BRAF: variants seen among roughly 807,000 people sequenced by gnomAD.
BRAF encodes B-Raf proto-oncogene, serine/threonine kinase.
A neutral mutation model predicts 104.6 loss-of-function variants in BRAF; 16 were observed. The observed-to-expected ratio is 0.15, with a 90% CI of 0.10 to 0.23. The LOEUF (loss-of-function observed/expected upper bound fraction) is 0.23. Among genes scored for constraint, BRAF ranks in the 10% least tolerant of loss-of-function variants. The probability of loss-of-function intolerance (pLI) is 1.00; values close to 1 mark genes in which losing one functional copy is unlikely to be tolerated. For synonymous variants in BRAF, 310 were observed against 341.6 expected (o/e 0.91, Z 1.02); for missense variants, 541 against 937.3 (o/e 0.58, Z 5.52).
chr7:140,865,818 A>C (rs1323380367), intron 1 of BRAF, among the ~76,000 whole-genome samples: 4 of 152,256 alleles, frequency 2.6e-5, no homozygotes, highest in African/African-American at 9.6e-5. Flanking sequence ...CATGAAATCA[A>C]TAAGCAGAAA....
intron 1 of BRAF, among the ~76,000 whole-genome samples, chr7:140,922,044 T>G (rs901486833): frequency 3.9e-5 from 6 of 152,158 alleles, no homozygotes; most frequent in African/African-American, 1.4e-4. Flanking sequence ...ATACTGATAT[T>G]TACATTCAAG....
rs1801520877 is a variant in BRAF, at chr7:140,787,585, C to A, written c.1141-1G>T. On this transcript the variant is annotated splice_acceptor_variant, in intron 8 of 19. Coordinates refer to ENST00000644969, the MANE Select transcript of BRAF (RefSeq NM_001374258.1). LOFTEE classifies it high-confidence loss of function. ...GAAATCCTTGGTCTCTAATCAAGTC[C>A]TACAAATAAATAGTAATGTATATTT... 6.2e-7 allele frequency: 1 copy of A among 1,610,746 alleles called. No individual in the cohort carries two copies.
Position 140,723,142 on chromosome 7 carries a change from G to T in BRAF, c.*3352C>A. ...GTTTCGAACTAAAGCTAGAGATGAG[G>T]TTTGCAAGCAGCTGGCGGGTGGATG... On this transcript the variant is annotated 3_prime_UTR_variant, in exon 20 of 20. Coordinates refer to ENST00000644969, the MANE Select transcript of BRAF (RefSeq NM_001374258.1). 9.5e-7 allele frequency: 1 copy of T among 1,052,544 alleles called. No homozygotes were observed. The highest frequency in any genetic ancestry group is 1.1e-6 in the Non-Finnish European group (1 of 871,408). 65.2% of individuals were successfully genotyped at this position (1,052,544 alleles called of 1,614,324 possible).
intron 18 of BRAF, among the ~76,000 whole-genome samples, chr7:140,738,027 C>T (rs1048473342): frequency 3.9e-5 from 6 of 152,026 alleles, no homozygotes; most frequent in Admixed American, 2.6e-4. Context: ...AGCACCATGA[C>T]GTGAAAAGAG....
At chr7:140,799,948 G>T (rs1034927405) in intron 7 of BRAF, 1 of 371,770 alleles carries the variant, frequency 2.7e-6, no homozygotes, top group Admixed American at 4.3e-5. Context: ...AATAGTCTAT[G>T]TCAGCTTTAA....
chr7:140,852,718 A>G (rs1421189472), intron 1 of BRAF, among the ~76,000 whole-genome samples: 1 of 152,068 alleles, frequency 6.6e-6, no homozygotes, highest in African/African-American at 2.4e-5. Flanking sequence ...ATCCAACTCT[A>G]CCTTTTCCTC....
chr7:140,753,617 T>C (rs914222629), intron 15 of BRAF: 3 of 415,054 alleles, frequency 7.2e-6, no homozygotes, highest in African/African-American at 4.1e-5. Flanking sequence ...GGGCTTGAAA[T>C]GTGTTAGGAT....
In BRAF at chr7:140,777,099, A is replaced by G. The variant is rs2129018655; in HGVS notation, c.1638-11T>C. The stretch of plus-strand genomic sequence containing the variant: ...ACATGTCGTGTTTTCCTGTACAAAG[A>G]AATGTGACAGTAAACATTAAATGTC... On this transcript the variant is annotated splice_polypyrimidine_tract_variant and intron_variant, in intron 13 of 19. Transcript: ENST00000644969. 1.2e-6 allele frequency: 2 copies of G among 1,613,132 alleles called. No individual in the cohort carries two copies. Among genetic ancestry groups the G allele is most frequent in the Admixed American group, 1.7e-5 (1 of 59,996 alleles).
chr7:140,924,752 G>A lies in BRAF; in HGVS notation c.-49C>T, dbSNP rs1818697660. 4 of 696,062 alleles carry A rather than the reference G, an allele frequency of 5.7e-6. No individual in the cohort carries two copies. The highest frequency in any genetic ancestry group is 4.9e-5 in the South Asian group (3 of 61,596). 43.1% of individuals were successfully genotyped at this position (696,062 alleles called of 1,614,324 possible). ...GAGCGGCCGCTGTCGGGCGGGGAGG[G>A]GGAAGGGAGGCGGAGAGCTGGGGGA... On this transcript the variant is annotated 5_prime_UTR_variant, in exon 1 of 20. Coordinates refer to ENST00000644969, the MANE Select transcript of BRAF (RefSeq NM_001374258.1). This position sits in a 1 kb window ranked among gnomAD's most constrained non-coding sequence, Gnocchi z 4.2.
At chr7:140,773,424 A>G (rs1371972009) in intron 14 of BRAF, 1 of 152,164 alleles carries the variant, frequency 6.6e-6, no homozygotes, top group Non-Finnish European at 1.5e-5. Flanking sequence ...TCGGAAGAGT[A>G]GGGTTTGGCT....
intron 5 of BRAF, among the ~76,000 whole-genome samples, chr7:140,801,768 T>G (rs1803140737): frequency 1.3e-5 from 2 of 152,028 alleles, no homozygotes; most frequent in African/African-American, 4.8e-5. Flanking sequence ...ACTATCTAAC[T>G]TAAAAACCCA....
chr7:140,852,568 T>A (rs541653822), intron 1 of BRAF, among the ~76,000 whole-genome samples: 3 of 152,304 alleles, frequency 2.0e-5, no homozygotes, highest in Admixed American at 6.5e-5. Flanking sequence ...TTTTCTTTCA[T>A]GATGCCTTTG....
intron 1 of BRAF, among the ~76,000 whole-genome samples, chr7:140,852,309 C>T (rs534071867): frequency 1.3e-5 from 2 of 149,018 alleles, no homozygotes; most frequent in East Asian, 2.1e-4. Flanking sequence ...GTTGAGGCTG[C>T]GGTGAGCCAT....
At chr7:140,794,174 C>A in intron 8 of BRAF, 134 bp downstream of exon 8, 1 of 1,093,866 alleles carries the variant, frequency 9.1e-7, no homozygotes, top group Non-Finnish European at 1.3e-6. Context: ...TTGTGATTCA[C>A]AAGAAGCTTA....
At chr7:140,831,798 C>A (rs534906656) in intron 3 of BRAF, among the ~76,000 whole-genome samples, 192 of 152,302 alleles carry the variant, frequency 1.3e-3, no homozygotes, top group African/African-American at 4.4e-3. Context: ...TCAAAATATT[C>A]ATATTTATAT....
At chr7:140,780,364 C>A (rs1034505424) in intron 12 of BRAF, 1 of 151,820 alleles carries the variant, frequency 6.6e-6, no homozygotes, top group African/African-American at 2.4e-5. Flanking sequence ...CCTCAGCCTC[C>A]TGAGTAGCTG....
rs372569965 is a variant in BRAF at position 140,753,327 on chromosome 7, C to A, written c.1928G>T (p.Arg643Leu). 6.2e-7 allele frequency: 1 copy of A among 1,612,830 alleles called. No individual in the cohort carries two copies. The highest frequency in any genetic ancestry group is 1.1e-5 in the South Asian group (1 of 91,052). Residue 643 changes from arginine (R) to leucine (L), a missense_variant, in exon 16 of 20, where the codon CGA (arginine) becomes CTA (leucine). By Grantham distance (102) the Arg-to-Leu change is moderately radical. Transcript: ENST00000644969. ...GDFGLATVKS[R>L]WSGSHQFEQL... ...TTCAAACTGATGGGACCCACTCCATCGAGATTTCACTGTAGCTAGACCAAA... is the reference window on the plus strand; with the variant it reads ...TTCAAACTGATGGGACCCACTCCATAGAGATTTCACTGTAGCTAGACCAAA...
intron 1 of BRAF, among the ~76,000 whole-genome samples, chr7:140,852,158 C>T (rs1337086865): frequency 1.3e-5 from 2 of 152,024 alleles, no homozygotes; most frequent in Non-Finnish European, 2.9e-5. Context: ...TGCTTGAGCC[C>T]AGGAGTTCAC....
intron 1 of BRAF, among the ~76,000 whole-genome samples, chr7:140,907,540 C>A (rs1361140023): frequency 6.6e-6 from 1 of 151,990 alleles, no homozygotes; most frequent in Non-Finnish European, 1.5e-5. Flanking sequence ...GGATTACAGG[C>A]ATAAGCCACC....
Sources: gnomAD v4.1 joint callset for allele counts (sites outside exome capture counted in the v4.1 genomes callset) on GRCh38, gnomAD v4.1.1 for gene constraint, Gnocchi (gnomAD v3.1) non-coding constraint, MANE v1.5 for transcripts, NCBI Gene and HGNC (gene_info 2026-07-23, HGNC 2026-07-21) for gene names.